The following LARGE1 variants were observed in gnomAD, a reference collection of about 807,000 sequenced individuals.
The protein encoded by LARGE1 is LARGE xylosyl- and glucuronyltransferase 1, also known as xylosyl- and glucuronyltransferase LARGE1.
A neutral mutation model predicts 87.6 loss-of-function variants in LARGE1; 43 were observed. The ratio of observed to expected loss-of-function variants is 0.49; its 90% confidence interval spans 0.38 to 0.63. The LOEUF (loss-of-function observed/expected upper bound fraction) is 0.63, where lower values mean the gene tolerates loss of function less well. Ranked by LOEUF, LARGE1 falls within the 30% of genes least tolerant of loss-of-function variation. The pLI is 0.00. For synonymous variants in LARGE1, 434 were observed against 394.6 expected (o/e 1.10, Z -1.18); for missense variants, 802 against 1,000.2 (o/e 0.80, Z 2.67).
At chr22:33,477,263 G>T (rs927010474) in intron 6 of LARGE1, among the ~76,000 whole-genome samples, 1 of 152,128 alleles carries the variant, frequency 6.6e-6, no homozygotes, top group Non-Finnish European at 1.5e-5. Flanking sequence ...CAAAAGCAAG[G>T]CCAGGCCAAC....
In LARGE1 at chr22:33,474,110, G is replaced by A. The variant is rs557461831; in HGVS notation, c.788-41845C>T. ...ATCTGGATAATCTTTTTCACTCAAA[G>A]GGCCTCAAACATATATTGTTGGCCA... On this transcript the variant is annotated intron_variant, in intron 6 of 14. Coordinates refer to ENST00000397394, the MANE Select transcript of LARGE1 (RefSeq NM_133642.5). Among the ~76,000 whole-genome samples the A allele has an allele frequency of 3.9e-5, 6 of 152,212 alleles. No individual in the cohort carries two copies. In the South Asian group the frequency reaches 1.2e-3, roughly 32 times the overall value.
At chr22:33,575,206 G>A (rs138794199) in intron 5 of LARGE1, among the ~76,000 whole-genome samples, 73 of 152,312 alleles carry the variant, frequency 4.8e-4, no homozygotes, top group African/African-American at 1.7e-3. Context: ...CTTCTTGGCT[G>A]AATCATTTAC....
intron 11 of LARGE1, among the ~76,000 whole-genome samples, chr22:33,249,262 G>A (rs1385708444): frequency 6.6e-6 from 1 of 152,112 alleles, no homozygotes; most frequent in African/African-American, 2.4e-5. Context: ...GCATATCATT[G>A]TTGTTTTAAT....
chr22:33,132,597 T>C, the LARGE1 span, among the ~76,000 whole-genome samples: 7 of 151,572 alleles, frequency 4.6e-5, no homozygotes, highest in Middle Eastern at 3.4e-3. Context: ...TTACTTTTGA[T>C]TTATCAGCCT....
intron 6 of LARGE1, among the ~76,000 whole-genome samples, chr22:33,458,448 T>G (rs2068233533): frequency 6.6e-6 from 1 of 151,326 alleles, no homozygotes. Context: ...TTTATTTTTT[T>G]AAGACAGAGT....
downstream of LARGE1, among the ~76,000 whole-genome samples, chr22:33,157,934 G>A (rs1569442947): frequency 6.6e-6 from 1 of 151,960 alleles, no homozygotes; most frequent in Non-Finnish European, 1.5e-5. Context: ...GAAAAGTCAA[G>A]GTGAAGAAGG....
chr22:33,574,834 A>C (rs947032591), intron 5 of LARGE1, among the ~76,000 whole-genome samples: 4 of 152,082 alleles, frequency 2.6e-5, no homozygotes, highest in African/African-American at 9.7e-5. Flanking sequence ...ATGTTGGAGA[A>C]GACCAGGACC....
intron 2 of LARGE1, 84 bp from the exon 3 acceptor site, chr22:33,650,752 C>T (rs1443213669): frequency 2.2e-5 from 32 of 1,466,010 alleles, no homozygotes; most frequent in Non-Finnish European, 2.8e-5. Context: ...TCCCTTACTA[C>T]ATGGCGAGGC....
downstream of LARGE1, among the ~76,000 whole-genome samples, chr22:33,269,822 G>A (rs1283505764): frequency 2.0e-5 from 3 of 152,046 alleles, no homozygotes; most frequent in East Asian, 3.9e-4. Flanking sequence ...TGGCTAAAAC[G>A]GTGAAACCCT....
chr22:33,353,021 G>A (rs1218027530), intron 9 of LARGE1, among the ~76,000 whole-genome samples: 1 of 152,180 alleles, frequency 6.6e-6, no homozygotes, highest in Non-Finnish European at 1.5e-5. Flanking sequence ...ACATTACAAA[G>A]TAGAGAAATG....
At chr22:33,499,777 A>AT (rs1269669297) in intron 6 of LARGE1, among the ~76,000 whole-genome samples, 3 of 151,854 alleles carry the variant, frequency 2.0e-5, no homozygotes, top group Admixed American at 6.6e-5. Context: ...AAACATGTAA[A>AT]TTTTTTCTTT....
intron 3 of LARGE1, among the ~76,000 whole-genome samples, chr22:33,630,155 C>T (rs1311974138): frequency 1.3e-5 from 2 of 151,894 alleles, no homozygotes; most frequent in Non-Finnish European, 2.9e-5. Flanking sequence ...GCTGAGATCT[C>T]GCCATTGCAC....
At chr22:33,120,513 C>A in the LARGE1 span, among the ~76,000 whole-genome samples, 1 of 140,478 alleles carries the variant, frequency 7.1e-6, no homozygotes, top group East Asian at 2.1e-4. Context: ...TTCTTTCTTT[C>A]TTTGAGATGG....
At chr22:33,778,659 T>C (rs1399147639) in intron 1 of LARGE1, among the ~76,000 whole-genome samples, 1 of 150,596 alleles carries the variant, frequency 6.6e-6, no homozygotes, top group Non-Finnish European at 1.5e-5. Context: ...GCAGTATCCT[T>C]TTTTTTTTGG....
intron 1 of LARGE1, among the ~76,000 whole-genome samples, chr22:33,825,691 G>A (rs1035279166): frequency 3.3e-5 from 5 of 152,138 alleles, no homozygotes; most frequent in East Asian, 1.9e-4. Context: ...TGACACTGGC[G>A]ATTACACGAA....
chr22:33,798,290 C>CTCAATCAATCAA (rs58724713), intron 1 of LARGE1, among the ~76,000 whole-genome samples: 53 of 151,678 alleles, frequency 3.5e-4, no homozygotes, highest in South Asian at 6.3e-4. Context: ...AACTCTGTCT[C>CTCAATCAATCAA]TCAATCAATC....
chr22:33,348,289 C>G (rs372608990), intron 9 of LARGE1, among the ~76,000 whole-genome samples: 1 of 124,056 alleles, frequency 8.1e-6, no homozygotes, highest in African/African-American at 3.1e-5. Context: ...CACCCCCCCC[C>G]AAAAAAAAAG....
intron 1 of LARGE1, among the ~76,000 whole-genome samples, chr22:33,831,779 CACACAT>C (rs35065502): frequency 2.9e-4 from 42 of 143,834 alleles, no homozygotes; most frequent in African/African-American, 6.1e-4. Flanking sequence ...CACACACACA[CACACAT>C]ACACATACAC....
intron 12 of LARGE1, among the ~76,000 whole-genome samples, chr22:33,294,946 G>A (rs1396169317): frequency 6.6e-6 from 1 of 152,122 alleles, no homozygotes; most frequent in Non-Finnish European, 1.5e-5. Context: ...TATGACCTTT[G>A]GGCAAACTTA....
Sources: allele counts gnomAD v4.1 joint callset (sites outside exome capture counted in the v4.1 genomes callset), GRCh38; gene constraint gnomAD v4.1.1; transcripts MANE v1.5; gene names NCBI Gene and HGNC (gene_info 2026-07-23, HGNC 2026-07-21).